SFMBT2: variants seen among roughly 807,000 people sequenced by gnomAD.
SFMBT2 encodes the protein Scm like with four mbt domains 2.
Under a neutral mutation model 110.1 loss-of-function variants are expected in SFMBT2, and 38 were observed. The ratio of observed to expected loss-of-function variants is 0.35; its 90% confidence interval spans 0.27 to 0.45. The LOEUF is 0.45. Ranked by LOEUF, SFMBT2 falls within the 20% of genes least tolerant of loss-of-function variation. The pLI is 1.00. For synonymous variants in SFMBT2, 425 were observed against 425.4 expected, an observed-to-expected ratio of 1.00 and a Z score of 0.01; for missense variants, 1,011 against 1,094.9, an observed-to-expected ratio of 0.92 and a Z score of 1.08.
At chr10:7,255,622 T>C (rs1840977190) in intron 7 of SFMBT2, among the ~76,000 whole-genome samples, 1 of 152,226 alleles carries the variant, frequency 6.6e-6, no homozygotes, top group African/African-American at 2.4e-5. Context: ...ACTGTGGCAA[T>C]GTCTCTTCAG....
rs1839691142 is a variant in SFMBT2 at position 7,220,476 on chromosome 10, G to A, written c.1265C>T (p.Pro422Leu). 1 of 1,614,044 alleles carries A rather than the reference G, an allele frequency of 6.2e-7. No individual in the cohort carries two copies. The highest frequency in any genetic ancestry group is 8.5e-7 in the Non-Finnish European group (1 of 1,179,936). ...AACGGAGGCCACACACAGTTCTCCT[G>A]GATTCCTGGGGTTCACAGCTTCAAG... ...MKLEAVNPRN[P>L]GELCVASVVS... The change falls in exon 11 of 21, where the codon CCA (proline) becomes CTA (leucine). Residue 422 changes from proline to leucine, a missense_variant. By Grantham distance (98) the Pro-to-Leu change is moderately conservative. Around this residue, in one of 2 missense-constraint regions of SFMBT2, gnomAD observed 979 missense variants for 1,016.1 expected, o/e 0.96. Coordinates refer to ENST00000397167, the MANE Select transcript of SFMBT2 (RefSeq NM_001387889.1).
At chr10:7,384,696 C>G (rs1435075340) in intron 1 of SFMBT2, among the ~76,000 whole-genome samples, 2 of 152,096 alleles carry the variant, frequency 1.3e-5, no homozygotes, top group Non-Finnish European at 2.9e-5. Flanking sequence ...GTAAACTGAG[C>G]AATTTACTAT....
chr10:7,258,265 A>G (rs534016986), intron 7 of SFMBT2, among the ~76,000 whole-genome samples: 1 of 152,288 alleles, frequency 6.6e-6, no homozygotes, highest in African/African-American at 2.4e-5. Context: ...GAGTTCCACA[A>G]TCAAAAGCTG....
rs71382101 is a variant in SFMBT2, at chr10:7,342,396, C to CTTTTTTTTTTTTTTT, written c.436+25238_436+25252dup. ...ATTTAGGAATTGCACTGGAGTGAGT[C>CTTTTTTTTTTTTTTT]TTTTTTTTTTTTTTTTTTTTTTTTT... is the stretch of plus-strand genomic sequence containing the variant. On this transcript the variant is annotated intron_variant, in intron 4 of 20. Coordinates refer to ENST00000397167, the MANE Select transcript of SFMBT2 (RefSeq NM_001387889.1). Among the ~76,000 whole-genome samples the CTTTTTTTTTTTTTTT allele has an allele frequency of 1.1e-4, 8 of 69,628 alleles. 1 individual carries two copies. The highest frequency in any genetic ancestry group is 1.9e-4 in the Non-Finnish European group (7 of 36,208). 45.7% of individuals were successfully genotyped at this position (69,628 alleles called of 152,430 possible). A position where few individuals can be genotyped will look rare whatever the true frequency, so the allele number is the denominator to read the frequency against.
At chr10:7,397,797 C>T (rs576897009) in intron 1 of SFMBT2, among the ~76,000 whole-genome samples, 3 of 152,188 alleles carry the variant, frequency 2.0e-5, no homozygotes, top group Admixed American at 1.3e-4. Context: ...ATTATCAACG[C>T]GAGCTTTCTT....
rs573284480 is a variant in SFMBT2 at position 7,385,307 on chromosome 10, C to CA, written c.-51-3359dup. Among the ~76,000 whole-genome samples, 71 of 152,310 alleles carry CA rather than the reference C, an allele frequency of 4.7e-4. No homozygotes were observed. The South Asian group carries it at 0.014, about 31-fold the overall frequency. ...CACTGAGGAAGAGAGACAGCATCCA[C>CA]AGACTCCAGAAGCCACAGGTGGCAT... On this transcript the variant is annotated intron_variant, in intron 1 of 20. Transcript: ENST00000397167.
At chr10:7,311,925 A>G (rs1371991689) in intron 4 of SFMBT2, among the ~76,000 whole-genome samples, 1 of 152,162 alleles carries the variant, frequency 6.6e-6, no homozygotes, top group African/African-American at 2.4e-5. Context: ...CAAACTAAAA[A>G]TCTCTTCATT....
At chr10:7,219,600 A>G (rs2762585) in intron 11 of SFMBT2, 222,466 of 243,978 alleles carry the variant, frequency 0.91, 101,567 homozygotes, top group Admixed American at 0.94. Flanking sequence ...TGAGTAAGTC[A>G]TAAGATTTAA....
intron 4 of SFMBT2, among the ~76,000 whole-genome samples, chr10:7,354,438 C>T (rs1844431953): frequency 6.6e-6 from 1 of 152,098 alleles, no homozygotes; most frequent in East Asian, 1.9e-4. Context: ...GATCTCGATA[C>T]CTCAGTTGGT....
chr10:7,385,705 A>G (rs1239343356), intron 1 of SFMBT2, among the ~76,000 whole-genome samples: 1 of 152,192 alleles, frequency 6.6e-6, no homozygotes, highest in Non-Finnish European at 1.5e-5. Flanking sequence ...TCCAGTACGA[A>G]AGCCCCTCTC....
intron 7 of SFMBT2, among the ~76,000 whole-genome samples, chr10:7,256,149 T>A (rs559399888): frequency 6.6e-6 from 1 of 152,288 alleles, no homozygotes; most frequent in African/African-American, 2.4e-5. Context: ...GATGAAGTTA[T>A]CTAAGCAAGG....
chr10:7,214,810 A>G, intron 11 of SFMBT2: 2 of 950,332 alleles, frequency 2.1e-6, no homozygotes, highest in Non-Finnish European at 2.5e-6. Flanking sequence ...TTCAAAGCAC[A>G]AAAACACTAA....
chr10:7,241,022 G>A (rs1343619053), intron 9 of SFMBT2, among the ~76,000 whole-genome samples: 2 of 152,162 alleles, frequency 1.3e-5, no homozygotes, highest in Non-Finnish European at 2.9e-5. Context: ...GGTGGGAGGT[G>A]ATTGAATCAC....
chr10:7,257,098 A>AAGGGGAGGGGAGGGGAGGGGAGGGG, intron 7 of SFMBT2, among the ~76,000 whole-genome samples: 1 of 74,776 alleles, frequency 1.3e-5, no homozygotes. Flanking sequence ...TTGGAAAGGG[A>AAGGGGAGGGGAGGGGAGGGGAGGGG]AGGGGAGGGG....
At chr10:7,304,021 T>C (rs556305388) in intron 4 of SFMBT2, among the ~76,000 whole-genome samples, 1 of 152,280 alleles carries the variant, frequency 6.6e-6, no homozygotes, top group South Asian at 2.1e-4. Flanking sequence ...AATGAAGTGC[T>C]CTCTGCATGG....
At chr10:7,246,716 C>G (rs1406545308) in intron 8 of SFMBT2, among the ~76,000 whole-genome samples, 1 of 50,148 alleles carries the variant, frequency 2.0e-5, no homozygotes, top group Non-Finnish European at 3.8e-5. Context: ...AAGACTCCAT[C>G]TCAAAAAAAA....
At chr10:7,398,603 G>A (rs1224553502) in intron 1 of SFMBT2, among the ~76,000 whole-genome samples, 1 of 151,522 alleles carries the variant, frequency 6.6e-6, no homozygotes, top group African/African-American at 2.4e-5. Flanking sequence ...TTTTATTTTT[G>A]TGGGTACATG....
chr10:7,164,225 A>T (rs966066277), intron 20 of SFMBT2: 2 of 728,956 alleles, frequency 2.7e-6, no homozygotes, highest in African/African-American at 3.8e-5. Flanking sequence ...GGTCTCTACA[A>T]AAAATTTAAA....
chr10:7,164,746 AACACACACACACACACACAC>A (rs58744416), intron 20 of SFMBT2, among the ~76,000 whole-genome samples: 3 of 137,740 alleles, frequency 2.2e-5, no homozygotes, highest in Admixed American at 1.5e-4. Context: ...CATAAAGGGA[AACACACACACACACACACAC>A]ACACACACAC....
Sources: allele counts gnomAD v4.1 joint callset (sites outside exome capture counted in the v4.1 genomes callset), GRCh38; gene constraint gnomAD v4.1.1; regional missense constraint gnomAD v4.1.1; transcripts MANE v1.5; gene names NCBI Gene and HGNC (gene_info 2026-07-23, HGNC 2026-07-21).